The following ZMIZ1 variants were observed in gnomAD, a reference collection of about 807,000 sequenced individuals.
ZMIZ1 encodes the protein zinc finger MIZ domain-containing protein 1.
Under a neutral mutation model 113.9 loss-of-function variants are expected in ZMIZ1, and 17 were observed. The ratio of observed to expected loss-of-function variants is 0.15; its 90% CI spans 0.10 to 0.22. The LOEUF (loss-of-function observed/expected upper bound fraction) is 0.22. ZMIZ1 is among the 10% of genes least tolerant of loss of function. ZMIZ1 has a pLI of 1.00. For missense variants in ZMIZ1, 1,059 were observed against 1,477.8 expected (o/e 0.72, Z 4.65); for synonymous variants, 607 against 603.1 (o/e 1.01, Z -0.09).
intron 7 of ZMIZ1, among the ~76,000 whole-genome samples, 192 bp from the exon 8 acceptor site, chr10:79,276,989 G>A (rs978343704): frequency 1.3e-5 from 2 of 152,184 alleles, no homozygotes; most frequent in African/African-American, 4.8e-5. Flanking sequence ...CCTCCTTCAA[G>A]GGTGTCAGTC....
chr10:79,142,625 C>A (rs1845317109), intron 3 of ZMIZ1, among the ~76,000 whole-genome samples: 1 of 152,184 alleles, frequency 6.6e-6, no homozygotes. Flanking sequence ...ACAGGAGAGA[C>A]CACACCGCCT....
In ZMIZ1 at chr10:79,069,033, G is replaced by A. The variant is rs1436491855; in HGVS notation, c.-574G>A. On this transcript the variant is annotated 5_prime_UTR_variant, in exon 1 of 25. Transcript: ENST00000334512. The surrounding 1 kb of genome is among the most constrained non-coding windows in gnomAD (Gnocchi z 4.6). Reference sequence around the variant, plus strand: ...GGACATTAAAAAAGCGAGCGGCGGCGGCGGGCGCCGGGGAGAGCGGGCGGC... The same window carrying A: ...GGACATTAAAAAAGCGAGCGGCGGCAGCGGGCGCCGGGGAGAGCGGGCGGC... The A allele has an allele frequency of 6.6e-6, 1 of 151,514 alleles. No homozygotes were observed. The highest frequency in any genetic ancestry group is 1.5e-5 in the Non-Finnish European group (1 of 67,670). 9.4% of individuals were successfully genotyped at this position (151,514 alleles called of 1,614,324 possible).
At chr10:79,233,164 C>T (rs1177602995) in intron 7 of ZMIZ1, among the ~76,000 whole-genome samples, 2 of 152,244 alleles carry the variant, frequency 1.3e-5, no homozygotes, top group Admixed American at 1.3e-4. Flanking sequence ...AGCAGAAGCA[C>T]TGGCTTGGTT....
At chr10:79,167,953 C>G (rs1846426916) in intron 4 of ZMIZ1, among the ~76,000 whole-genome samples, 1 of 152,168 alleles carries the variant, frequency 6.6e-6, no homozygotes, top group South Asian at 2.1e-4. Flanking sequence ...GGCTCCAAGG[C>G]TAGGAGGGAG....
At position 79,221,886 on chromosome 10, in the gene ZMIZ1, C is replaced by T. The variant is rs546826059; in HGVS notation, c.280+5612C>T. On this transcript the variant is annotated intron_variant, in intron 7 of 24. Coordinates refer to ENST00000334512, the MANE Select transcript of ZMIZ1 (RefSeq NM_020338.4). ...AGCCCGAATGCCTGCTGCCTTCTCG[C>T]GCCCTTCCTGTCTTCCTGAGGCTGG... 3.5e-4 allele frequency among the ~76,000 whole-genome samples: 53 copies of T among 152,390 alleles called. 1 individual carries two copies. The South Asian group carries it at 8.9e-3, about 26-fold the overall frequency.
chr10:79,220,773 A>G (rs184253635), intron 7 of ZMIZ1, among the ~76,000 whole-genome samples: 2 of 151,618 alleles, frequency 1.3e-5, no homozygotes, highest in Non-Finnish European at 2.9e-5. Flanking sequence ...GGTGTGTGTG[A>G]GGCTGTGTAT....
intron 7 of ZMIZ1, among the ~76,000 whole-genome samples, chr10:79,220,874 A>T: frequency 6.6e-6 from 1 of 151,860 alleles, no homozygotes; most frequent in Non-Finnish European, 1.5e-5. Flanking sequence ...GGCTGTGCAC[A>T]TGTGTGTATC....
At chr10:79,240,733 A>G (rs1352712158) in intron 7 of ZMIZ1, among the ~76,000 whole-genome samples, 1 of 128,832 alleles carries the variant, frequency 7.8e-6, no homozygotes, top group Admixed American at 1.0e-4. Context: ...TCTCTTCTCC[A>G]GCCCCACCCT....
At chr10:79,264,357 C>T (rs1005141258) in intron 7 of ZMIZ1, among the ~76,000 whole-genome samples, 1 of 152,202 alleles carries the variant, frequency 6.6e-6, no homozygotes, top group African/African-American at 2.4e-5. Flanking sequence ...TCTTGGGTAC[C>T]TCTTGGCCTC....
intron 7 of ZMIZ1, among the ~76,000 whole-genome samples, chr10:79,249,384 G>A (rs1034683587): frequency 3.3e-5 from 5 of 152,216 alleles, no homozygotes; most frequent in African/African-American, 7.2e-5. Context: ...TCCACGCTGG[G>A]TGCTGCGTAA....
chr10:79,300,977 G>A, intron 17 of ZMIZ1, 35 bp downstream of exon 17: 12 of 1,601,330 alleles, frequency 7.5e-6, no homozygotes, highest in African/African-American at 2.7e-5. Flanking sequence ...CGTTGGCACA[G>A]GCAGGCCCTG....
In ZMIZ1 at chr10:79,183,910, T is replaced by C. The variant is rs144976186; in HGVS notation, c.-49-17674T>C. Among the ~76,000 whole-genome samples the C allele has an allele frequency of 4.6e-3, 703 of 152,350 alleles. 5 individuals are homozygous for C. Among genetic ancestry groups the C allele is most frequent in the African/African-American group, 0.016 (675 of 41,574 alleles). ...TCCCAGCTGTGCCCCTTATTAGCTC[T>C]GTGAACTTGGACATACTCATGACAC... On this transcript the variant is annotated intron_variant, in intron 4 of 24. Transcript: ENST00000334512.
chr10:79,214,427 C>T (rs912968898), intron 6 of ZMIZ1, among the ~76,000 whole-genome samples: 4 of 152,194 alleles, frequency 2.6e-5, no homozygotes, highest in African/African-American at 9.7e-5. Flanking sequence ...AGTCCCATTC[C>T]AAGAGTCACT....
At chr10:79,147,973 A>C (rs1010535820) in intron 3 of ZMIZ1, among the ~76,000 whole-genome samples, 1 of 152,216 alleles carries the variant, frequency 6.6e-6, no homozygotes, top group African/African-American at 2.4e-5. Flanking sequence ...GGGCCTCCCC[A>C]GGCCTTCATC....
At position 79,296,708 on chromosome 10, in the gene ZMIZ1, C is replaced by T; in HGVS notation, c.1413+55C>T. ...GGCCCCTTCCCTCCTAACCACCTCACTCCCCTAACTCCACCGGGATCACTC... is the reference window on the plus strand; with the variant it reads ...GGCCCCTTCCCTCCTAACCACCTCATTCCCCTAACTCCACCGGGATCACTC... On this transcript the variant is annotated intron_variant, in intron 13 of 24. Coordinates refer to ENST00000334512, the MANE Select transcript of ZMIZ1 (RefSeq NM_020338.4). The surrounding 1 kb of genome is among the most constrained non-coding windows in gnomAD (Gnocchi z 4.1). 3 of 1,468,508 alleles carry T rather than the reference C, an allele frequency of 2.0e-6. No homozygotes were observed. The highest frequency in any genetic ancestry group is 1.8e-6 in the Non-Finnish European group (2 of 1,095,268). The allele number at this position is 1,468,508 out of a possible 1,614,324, so 91.0% of individuals were successfully genotyped here.
intron 3 of ZMIZ1, among the ~76,000 whole-genome samples, chr10:79,143,182 C>T (rs997678987): frequency 6.6e-6 from 1 of 152,142 alleles, no homozygotes; most frequent in African/African-American, 2.4e-5. Flanking sequence ...AGCTCCCCAC[C>T]GCTCCATCTC....
chr10:79,275,105 G>T (rs1006461369), intron 7 of ZMIZ1, among the ~76,000 whole-genome samples: 1 of 152,246 alleles, frequency 6.6e-6, no homozygotes, highest in African/African-American at 2.4e-5. Context: ...ACAAGAGGCG[G>T]TACCTAGGGG....
At chr10:79,312,509 C>G in intron 24 of ZMIZ1, 133 bp from the exon 25 acceptor site, 1 of 906,424 alleles carries the variant, frequency 1.1e-6, no homozygotes, top group South Asian at 1.5e-5. Context: ...CAAGGCTGTT[C>G]TCTACCCCTT....
chr10:79,092,571 C>T (rs1564645422), intron 1 of ZMIZ1, among the ~76,000 whole-genome samples: 1 of 152,258 alleles, frequency 6.6e-6, no homozygotes, highest in Non-Finnish European at 1.5e-5. Flanking sequence ...ACAGTAGCAT[C>T]GCAACACCTC....
Sources: gnomAD v4.1 joint callset for allele counts (sites outside exome capture counted in the v4.1 genomes callset) on GRCh38, gnomAD v4.1.1 for gene constraint, Gnocchi (gnomAD v3.1) non-coding constraint, MANE v1.5 for transcripts, NCBI Gene and HGNC (gene_info 2026-07-23, HGNC 2026-07-21) for gene names.